The following WLS variants were observed in gnomAD, a reference collection of about 807,000 sequenced individuals.
WLS encodes protein wntless homolog.
Under a neutral mutation model 62.8 loss-of-function variants are expected in WLS, and 23 were observed. That is an observed-to-expected ratio of 0.37 (90% CI 0.26 to 0.52). WLS has a LOEUF of 0.52. Among genes scored for constraint, WLS ranks in the 20% least tolerant of loss-of-function variants. The pLI is 0.92. For missense variants in WLS, 615 were observed against 697.3 expected (o/e 0.88, Z 1.33); for synonymous variants, 246 against 244.1 (o/e 1.01, Z -0.07).
chr1:68,190,926 C>A (rs1330747635), intron 2 of WLS, among the ~76,000 whole-genome samples: 2 of 152,056 alleles, frequency 1.3e-5, no homozygotes, highest in African/African-American at 2.4e-5. Flanking sequence ...GGCGTGGTGG[C>A]ACATGCCTAT....
intron 1 of WLS, among the ~76,000 whole-genome samples, chr1:68,209,865 C>A (rs1462029854): frequency 6.6e-6 from 1 of 152,130 alleles, no homozygotes; most frequent in Non-Finnish European, 1.5e-5. Context: ...AATAACTCAT[C>A]CAAGGTCACA....
At chr1:68,192,939 A>AT (rs1215396798) in intron 2 of WLS, among the ~76,000 whole-genome samples, 1 of 50,386 alleles carries the variant, frequency 2.0e-5, no homozygotes, top group East Asian at 7.3e-4. Context: ...CACTAAAAAT[A>AT]CAAAAAAAAA....
intron 1 of WLS, among the ~76,000 whole-genome samples, chr1:68,220,995 A>G (rs536780100): frequency 6.6e-6 from 1 of 152,212 alleles, no homozygotes; most frequent in Non-Finnish European, 1.5e-5. Context: ...GAGGGAAGGA[A>G]GGTATTGGAG....
At chr1:68,129,716 T>A (rs1053151326) in intron 11 of WLS, among the ~76,000 whole-genome samples, 2 of 152,104 alleles carry the variant, frequency 1.3e-5, no homozygotes, top group African/African-American at 4.8e-5. Flanking sequence ...TTCCATCACC[T>A]CCTACTTCTG....
rs116455996 is a variant in WLS, at chr1:68,135,624, C to T, written c.1516+2156G>A. On this transcript the variant is annotated intron_variant, in intron 11 of 11. Transcript: ENST00000262348. ...TCAGTACTTGATAATTATTTCCCAC[C>T]GGTATTATCATTCCATCATCCAGGA... 1.0e-3 allele frequency among the ~76,000 whole-genome samples: 158 copies of T among 152,248 alleles called. 1 individual carries two copies. The highest frequency in any genetic ancestry group is 3.5e-3 in the African/African-American group (146 of 41,534).
At chr1:68,220,619 A>G (rs577106865) in intron 1 of WLS, among the ~76,000 whole-genome samples, 25 of 152,360 alleles carry the variant, frequency 1.6e-4, no homozygotes, top group South Asian at 1.0e-3. Flanking sequence ...ATCACTTTGA[A>G]TGGAGAGATC....
chr1:68,173,078 G>A lies in WLS; in HGVS notation c.380-13831C>T, dbSNP rs114021546. 6.1e-3 allele frequency among the ~76,000 whole-genome samples: 923 copies of A among 152,236 alleles called. 11 individuals carry two copies. The highest frequency in any genetic ancestry group is 0.021 in the African/African-American group (873 of 41,552). ...ACACAGTTCTCAGTGTGCTTAAGAC[G>A]ATTTAACCTTGTGGAAAATACTGCC... is the stretch of plus-strand genomic sequence containing the variant. On this transcript the variant is annotated intron_variant, in intron 2 of 11. Transcript: ENST00000262348.
Position 68,155,125 on chromosome 1 carries a change from C to T in WLS, c.640G>A (p.Gly214Arg). ...ACCAACCGGATATCCTTTATCTCCCCAATTCCCACATTGATTTTCTTCTTC... is the reference window on the plus strand; with the variant it reads ...ACCAACCGGATATCCTTTATCTCCCTAATTCCCACATTGATTTTCTTCTTC... ...NEKKKINVGIGEIKDIRLVGI... is the reference protein window; with the variant it reads ...NEKKKINVGIREIKDIRLVGI... Residue 214 changes from glycine (G) to arginine (R), a missense_variant, in exon 4 of 12, where the codon GGG becomes AGG. Transcript: ENST00000262348. 6.2e-7 allele frequency: 1 copy of T among 1,613,924 alleles called. No homozygotes were observed. Among genetic ancestry groups the T allele is most frequent in the South Asian group, 1.1e-5 (1 of 91,048 alleles).
At chr1:68,162,379 C>A in intron 2 of WLS, 1 of 1,613,978 alleles carries the variant, frequency 6.2e-7, no homozygotes, top group Non-Finnish European at 8.5e-7. Flanking sequence ...CAAGGAGACG[C>A]AGTCGCTCTG....
intron 11 of WLS, among the ~76,000 whole-genome samples, chr1:68,106,578 C>T (rs1240068475): frequency 6.6e-6 from 1 of 152,196 alleles, no homozygotes; most frequent in Non-Finnish European, 1.5e-5. Context: ...CCCTTGCAAA[C>T]CTAGGTACCT....
At chr1:68,169,499 AC>A (rs1647114620) in intron 2 of WLS, among the ~76,000 whole-genome samples, 2 of 152,176 alleles carry the variant, frequency 1.3e-5, no homozygotes, top group African/African-American at 4.8e-5. Context: ...GATGCAAGTC[AC>A]CCTCTCCAGT....
intron 2 of WLS, among the ~76,000 whole-genome samples, chr1:68,164,678 C>A (rs554052614): frequency 6.6e-6 from 1 of 152,300 alleles, no homozygotes; most frequent in South Asian, 2.1e-4. Context: ...GAACCTGAAG[C>A]CACTCAGAAT....
intron 2 of WLS, among the ~76,000 whole-genome samples, chr1:68,193,419 A>C (rs1648463716): frequency 7.4e-6 from 1 of 135,020 alleles, no homozygotes; most frequent in South Asian, 2.3e-4. Context: ...AAAAAAAAAA[A>C]AAAAAAAAAA....
At chr1:68,170,160 C>CTTTTTTTTTTTTT (rs571306573) in intron 2 of WLS, among the ~76,000 whole-genome samples, 16 of 86,742 alleles carry the variant, frequency 1.8e-4, no homozygotes, top group African/African-American at 2.1e-4. Context: ...GCTACTATTT[C>CTTTTTTTTTTTTT]TTTTTTTTTT....
intron 10 of WLS, 49 bp downstream of exon 10, chr1:68,144,520 G>T: frequency 6.4e-7 from 1 of 1,552,546 alleles, no homozygotes; most frequent in South Asian, 1.1e-5. Flanking sequence ...GCAGGGTAGA[G>T]GGATCTCTGC....
intron 2 of WLS, among the ~76,000 whole-genome samples, chr1:68,193,204 T>C (rs1648437686): frequency 1.3e-5 from 2 of 151,726 alleles, no homozygotes; most frequent in South Asian, 4.2e-4. Context: ...TCTTTTTCCC[T>C]TTCCCTCACA....
chr1:68,224,228 C>T (rs1200407678), intron 1 of WLS, among the ~76,000 whole-genome samples: 1 of 152,166 alleles, frequency 6.6e-6, no homozygotes, highest in East Asian at 1.9e-4. Context: ...GAAAATTAAA[C>T]TTGAAGGCCC....
chr1:68,161,756 A>G, intron 2 of WLS: 2 of 1,593,644 alleles, frequency 1.3e-6, no homozygotes, highest in Non-Finnish European at 8.6e-7. Context: ...ATTCTCTGCT[A>G]TTGCTCGTTG....
chr1:68,103,218 T>C (rs1046768999), intron 11 of WLS, among the ~76,000 whole-genome samples: 3 of 152,214 alleles, frequency 2.0e-5, no homozygotes, highest in Non-Finnish European at 4.4e-5. Context: ...AGACGGTTGC[T>C]AGGGAAACCA....
Sources: gnomAD v4.1 joint callset for allele counts (sites outside exome capture counted in the v4.1 genomes callset) on GRCh38, gnomAD v4.1.1 for gene constraint, MANE v1.5 for transcripts, NCBI Gene and HGNC (gene_info 2026-07-23, HGNC 2026-07-21) for gene names.